The following SRGAP2 variants were observed in gnomAD, a reference collection of about 807,000 sequenced individuals.
SRGAP2 encodes SLIT-ROBO Rho GTPase activating protein 2, also known as SLIT-ROBO Rho GTPase-activating protein 2.
Under a neutral mutation model 57.2 loss-of-function variants are expected in SRGAP2, and 15 were observed. The observed-to-expected ratio is 0.26, with a 90% CI of 0.18 to 0.40. The LOEUF is 0.40. Ranked by LOEUF, SRGAP2 falls within the 10% of genes least tolerant of loss-of-function variation. The pLI, the probability that SRGAP2 is intolerant of heterozygous loss-of-function variation, is 1.00. For missense variants in SRGAP2, 520 were observed against 669.6 expected (o/e 0.78, Z 2.47); for synonymous variants, 249 against 248.0 (o/e 1.00, Z -0.04).
chr1:206,299,896 CCTT>C (rs1445261660), intron 2 of SRGAP2, among the ~76,000 whole-genome samples: 6 of 149,674 alleles, frequency 4.0e-5, no homozygotes, highest in East Asian at 2.0e-4. Flanking sequence ...TCCTTTTCCT[CCTT>C]CTTCTTCTTC....
At chr1:206,412,537 A>G (rs782561697) in intron 10 of SRGAP2, among the ~76,000 whole-genome samples, 2 of 152,232 alleles carry the variant, frequency 1.3e-5, no homozygotes, top group African/African-American at 2.4e-5. Context: ...GGAAGGAAAA[A>G]GAACTACCTA....
At chr1:206,378,804 A>G (rs1366599608) in intron 4 of SRGAP2, among the ~76,000 whole-genome samples, 1 of 152,266 alleles carries the variant, frequency 6.6e-6, no homozygotes, top group Non-Finnish European at 1.5e-5. Context: ...CTCACCGCGA[A>G]GGTCCACAGC....
intron 3 of SRGAP2, among the ~76,000 whole-genome samples, chr1:206,322,605 C>T (rs1178254525): frequency 7.5e-6 from 1 of 133,722 alleles, no homozygotes; most frequent in Non-Finnish European, 1.6e-5. Flanking sequence ...AAAAGAATTA[C>T]TAACCCATGC....
intron 19 of SRGAP2, 61 bp downstream of exon 19, chr1:206,450,526 A>G (rs1180962459): frequency 7.9e-6 from 6 of 759,132 alleles, no homozygotes; most frequent in Admixed American, 5.4e-5. Flanking sequence ...GGAAGTGATT[A>G]TATATCCTGT....
In SRGAP2 at chr1:206,256,492, T is replaced by G. The variant is rs1285261285; in HGVS notation, c.68-46789T>G. On this transcript the variant is annotated intron_variant, in intron 2 of 22. Coordinates refer to ENST00000573034, the MANE Select transcript of SRGAP2 (RefSeq NM_015326.5). ...AAAGAAAGTCCCCGAACCTCTTAGGTTATTTTGTACAGCAAAAGAACCAGC... is the reference window on the plus strand; with the variant it reads ...AAAGAAAGTCCCCGAACCTCTTAGGGTATTTTGTACAGCAAAAGAACCAGC... 1.3e-4 allele frequency among the ~76,000 whole-genome samples: 19 copies of G among 144,876 alleles called. 1 individual carries two copies. Among genetic ancestry groups the G allele is most frequent in the African/African-American group, 4.5e-4 (17 of 37,634 alleles).
At chr1:206,352,811 T>C (rs1373108936) in intron 4 of SRGAP2, among the ~76,000 whole-genome samples, 58 of 151,372 alleles carry the variant, frequency 3.8e-4, no homozygotes, top group African/African-American at 1.4e-3. Flanking sequence ...ATATCATCTT[T>C]TTGTTTGTTT....
At position 206,212,194 on chromosome 1, in the gene SRGAP2, T is replaced by G. The variant is rs561141490; in HGVS notation, c.67+6157T>G. 1.4e-4 allele frequency among the ~76,000 whole-genome samples: 22 copies of G among 151,996 alleles called. 1 individual carries two copies. In the South Asian group the frequency reaches 3.7e-3, roughly 26 times the overall value. ...TGTTCTTTTTTCTTTTTTCTTTTTT[T>G]TTTCAGATGGGGTCTCACTCTGTCA... On this transcript the variant is annotated intron_variant, in intron 2 of 22. Coordinates refer to ENST00000573034, the MANE Select transcript of SRGAP2 (RefSeq NM_015326.5).
At chr1:206,268,133 T>C (rs1458438127) in intron 2 of SRGAP2, among the ~76,000 whole-genome samples, 1 of 151,732 alleles carries the variant, frequency 6.6e-6, no homozygotes, top group East Asian at 1.9e-4. Context: ...ATATGCACAA[T>C]GTGCAGTTTT....
rs1369186969 is a variant in SRGAP2 at position 206,253,986 on chromosome 1, A to G, written c.67+47949A>G. On this transcript the variant is annotated intron_variant, in intron 2 of 22. Transcript: ENST00000573034. ...CCACCTAGTAAATCTGCTACTAACC[A>G]GACCTAGAATCTAGGATTCTAGATC... Among the ~76,000 whole-genome samples the G allele has an allele frequency of 4.5e-5, 6 of 133,346 alleles. No homozygotes were observed. In the South Asian group the frequency reaches 1.6e-3, roughly 35 times the overall value. 87.5% of individuals were successfully genotyped at this position (133,346 alleles called of 152,430 possible).
At chr1:206,214,619 G>A (rs1571582542) in intron 2 of SRGAP2, 1 of 151,196 alleles carries the variant, frequency 6.6e-6, no homozygotes, top group Non-Finnish European at 1.5e-5. Flanking sequence ...ATGGTGAAAC[G>A]CTGTCTCTAC....
At chr1:206,318,699 G>T (rs1263834739) in intron 3 of SRGAP2, among the ~76,000 whole-genome samples, 1 of 152,158 alleles carries the variant, frequency 6.6e-6, no homozygotes, top group Non-Finnish European at 1.5e-5. Flanking sequence ...AGGCACCGGG[G>T]AGCCAGCATG....
chr1:206,453,623 A>G (rs1553377079), intron 20 of SRGAP2: 1 of 311,500 alleles, frequency 3.2e-6, no homozygotes, highest in African/African-American at 2.3e-5. Context: ...CCCCTAATCC[A>G]GTCATTTTAG....
intron 4 of SRGAP2, among the ~76,000 whole-genome samples, chr1:206,369,512 G>T (rs1553342232): frequency 6.6e-6 from 1 of 152,130 alleles, no homozygotes. Context: ...TCTCATCAAG[G>T]TCTAATTTTC....
At chr1:206,348,296 C>A (rs1675799225) in intron 4 of SRGAP2, among the ~76,000 whole-genome samples, 2 of 151,414 alleles carry the variant, frequency 1.3e-5, no homozygotes, top group African/African-American at 2.4e-5. Context: ...GTCTGTCTAA[C>A]CTCTGTTGGA....
intron 2 of SRGAP2, among the ~76,000 whole-genome samples, chr1:206,220,639 GTCA>G (rs1407173055): frequency 3.9e-5 from 6 of 152,134 alleles, no homozygotes; most frequent in Non-Finnish European, 8.8e-5. Flanking sequence ...TCTATAAATG[GTCA>G]GTTCCTTCAT....
chr1:206,250,234 T>C (rs1171003260), intron 2 of SRGAP2, among the ~76,000 whole-genome samples: 1 of 152,082 alleles, frequency 6.6e-6, no homozygotes, highest in African/African-American at 2.4e-5. Context: ...TTCTCATTAT[T>C]GATGTGAGAA....
intron 5 of SRGAP2, among the ~76,000 whole-genome samples, chr1:206,386,796 CAAAAAAAAAA>C (rs1225123382): frequency 2.2e-5 from 2 of 90,352 alleles, no homozygotes; most frequent in Admixed American, 2.5e-4. Context: ...GAGACTGTCT[CAAAAAAAAAA>C]AAAAGAAAAA....
At chr1:206,360,448 T>C (rs1676825418) in intron 4 of SRGAP2, among the ~76,000 whole-genome samples, 1 of 147,706 alleles carries the variant, frequency 6.8e-6, no homozygotes, top group Admixed American at 6.8e-5. Flanking sequence ...TTCCAGCTTC[T>C]GTGTGAAGAG....
chr1:206,214,020 A>T (rs1220589474), intron 2 of SRGAP2, among the ~76,000 whole-genome samples: 3 of 144,340 alleles, frequency 2.1e-5, no homozygotes, highest in African/African-American at 7.7e-5. Context: ...GATGTCAAGG[A>T]GAGGGGCTAG....
Sources: allele counts gnomAD v4.1 joint callset (sites outside exome capture counted in the v4.1 genomes callset), GRCh38; gene constraint gnomAD v4.1.1; transcripts MANE v1.5; gene names NCBI Gene and HGNC (gene_info 2026-07-23, HGNC 2026-07-21).